Variants in TMPRSS7 observed in about 807,000 individuals in gnomAD.
The protein encoded by TMPRSS7 is transmembrane protease serine 7.
TMPRSS7 carries 81 observed loss-of-function variants against 95.6 expected under a neutral mutation model. The ratio of observed to expected loss-of-function variants is 0.85; its 90% confidence interval spans 0.71 to 1.02. The LOEUF is 1.02. TMPRSS7 is among the 50% of genes least tolerant of loss of function. The pLI is 0.00. For missense variants in TMPRSS7, 945 were observed against 955.2 expected, an observed-to-expected ratio of 0.99 and a Z score of 0.14; for synonymous variants, 364 against 337.8, an observed-to-expected ratio of 1.08 and a Z score of -0.85.
intron 2 of TMPRSS7, among the ~76,000 whole-genome samples, chr3:112,038,690 C>T (rs1391364139): frequency 6.6e-6 from 1 of 152,170 alleles, no homozygotes; most frequent in Non-Finnish European, 1.5e-5. Flanking sequence ...CTATGATGCC[C>T]AGGCTGGTCC....
chr3:112,066,166 G>A (rs561728696), intron 12 of TMPRSS7, among the ~76,000 whole-genome samples: 43 of 152,254 alleles, frequency 2.8e-4, no homozygotes, highest in African/African-American at 9.1e-4. Context: ...AGAGTTTAAC[G>A]CATTTATACA....
chr3:112,047,277 G>T (rs9811691), intron 6 of TMPRSS7: 90,640 of 604,568 alleles, frequency 0.15, 8,438 homozygotes, highest in Non-Finnish European at 0.19. Flanking sequence ...CTTCTATGGA[G>T]CCTTCTTTAT....
intron 7 of TMPRSS7, 62 bp from the exon 8 acceptor site, chr3:112,049,782 T>C (rs1240733470): frequency 3.6e-6 from 5 of 1,374,132 alleles, no homozygotes; most frequent in Non-Finnish European, 4.9e-6. Flanking sequence ...TCGTTTTGAA[T>C]GGAGACCCAT....
At chr3:112,056,917 G>A (rs1164669842) in intron 9 of TMPRSS7, 108 bp from the exon 10 acceptor site, 6 of 688,588 alleles carry the variant, frequency 8.7e-6, no homozygotes, top group Non-Finnish European at 1.5e-5. Context: ...ACCCCACTAA[G>A]GGCCACAGGG....
chr3:112,056,570 C>T (rs1224490892), intron 9 of TMPRSS7, among the ~76,000 whole-genome samples: 1 of 152,150 alleles, frequency 6.6e-6, no homozygotes, highest in Non-Finnish European at 1.5e-5. Context: ...CCAAGAAGAT[C>T]TAGGGGTGAC....
exon 6 of TMPRSS7, chr3:112,046,996 G>A (rs757170456): frequency 7.1e-6 from 5 of 702,442 alleles, no homozygotes; most frequent in Non-Finnish European, 2.6e-6. Flanking sequence ...CGGATTACTC[G>A]TCAACCATAG....
intron 5 of TMPRSS7, among the ~76,000 whole-genome samples, chr3:112,046,162 C>T (rs140179618): frequency 4.6e-5 from 7 of 152,260 alleles, no homozygotes; most frequent in East Asian, 1.9e-4. Flanking sequence ...AATATACATA[C>T]GAAATTGAAT....
rs187064121 is a variant in TMPRSS7, at chr3:112,069,824, T to C, written c.1666+3322T>C. On this transcript the variant is annotated intron_variant, in intron 13 of 17. Transcript: ENST00000452346. ...TTGAAGGGTTTTTTGTGTCTCTATC[T>C]CTTTCAGTTCTGCTCTGATCTTAGT... 2.4e-3 allele frequency among the ~76,000 whole-genome samples: 372 copies of C among 152,312 alleles called. 2 individuals are homozygous for C. Among genetic ancestry groups the C allele is most frequent in the Non-Finnish European group, 4.2e-3 (286 of 68,020 alleles).
chr3:112,047,770 G>A (rs773495968), exon 7 of TMPRSS7: 5 of 1,613,886 alleles, frequency 3.1e-6, no homozygotes, highest in African/African-American at 1.3e-5. Flanking sequence ...TCTATGCAGA[G>A]CATCTGTCTC....
In TMPRSS7 at chr3:112,057,005, C is replaced by T. The variant is rs1305005846; in HGVS notation, c.1204-20C>T. On this transcript the variant is annotated intron_variant, in intron 9 of 17. Coordinates refer to ENST00000452346, the Ensembl canonical transcript of TMPRSS7. The stretch of plus-strand genomic sequence containing the variant: ...CTTTGATTGAAGCATTTTTTTCTGA[C>T]TTAATGTTTATTTTCACAGACTTCT... 5 of 1,531,736 alleles carry T rather than the reference C, an allele frequency of 3.3e-6. No individual in the cohort carries two copies. The Admixed American group carries it at 9.0e-5, about 28-fold the overall frequency. 94.9% of individuals were successfully genotyped at this position (1,531,736 alleles called of 1,614,324 possible).
intron 4 of TMPRSS7, among the ~76,000 whole-genome samples, chr3:112,045,272 C>G (rs545331739): frequency 7.9e-5 from 12 of 152,278 alleles, no homozygotes; most frequent in African/African-American, 2.6e-4. Flanking sequence ...CTCAGCCTCC[C>G]AAGTAGCTGT....
At position 112,045,748 on chromosome 3, in the gene TMPRSS7, A is replaced by T; in HGVS notation, c.498-2A>T. The T allele has an allele frequency of 6.5e-7, 1 of 1,542,296 alleles. No individual in the cohort carries two copies. Among genetic ancestry groups the T allele is most frequent in the African/African-American group, 1.4e-5 (1 of 72,390 alleles). ...CTGATGATCTCTCTTTTTTCGTTATAGCAGCAACAACAAAGGCGGCCTCCT... is the reference window on the plus strand; with the variant it reads ...CTGATGATCTCTCTTTTTTCGTTATTGCAGCAACAACAAAGGCGGCCTCCT... On this transcript the variant is annotated splice_acceptor_variant, in intron 4 of 17. Transcript: ENST00000452346. LOFTEE classifies it high-confidence loss of function.
chr3:112,041,630 G>T (rs912105481), intron 2 of TMPRSS7, among the ~76,000 whole-genome samples: 1 of 152,096 alleles, frequency 6.6e-6, no homozygotes, highest in African/African-American at 2.4e-5. Flanking sequence ...ATAAAGCAGG[G>T]TATATATGGG....
exon 15 of TMPRSS7, chr3:112,075,490 C>T: frequency 6.8e-7 from 1 of 1,460,280 alleles, no homozygotes; most frequent in Non-Finnish European, 9.1e-7. Flanking sequence ...TTCATGGAAA[C>T]AGGTAGGGCC....
intron 10 of TMPRSS7, among the ~76,000 whole-genome samples, chr3:112,057,686 A>G (rs1179269728): frequency 6.6e-6 from 1 of 152,168 alleles, no homozygotes; most frequent in Non-Finnish European, 1.5e-5. Context: ...AACAGATTAC[A>G]TAGGCACTGA....
chr3:112,066,256 A>C, intron 12 of TMPRSS7, 136 bp from the exon 13 acceptor site: 1 of 637,740 alleles, frequency 1.6e-6, no homozygotes. Context: ...TGGAAGTGTC[A>C]GTTTTGAGGA....
chr3:112,039,467 A>G (rs2073183696), intron 2 of TMPRSS7, among the ~76,000 whole-genome samples: 1 of 152,192 alleles, frequency 6.6e-6, no homozygotes, highest in Non-Finnish European at 1.5e-5. Flanking sequence ...TGGTGGCTGA[A>G]AGCCCCTAGG....
intron 15 of TMPRSS7, among the ~76,000 whole-genome samples, chr3:112,075,764 G>C (rs2073704671): frequency 6.6e-6 from 1 of 152,178 alleles, no homozygotes; most frequent in African/African-American, 2.4e-5. Flanking sequence ...AAACTTAAGA[G>C]AATGTGTGGA....
At chr3:112,081,234 C>G, downstream of TMPRSS7, 1 of 429,684 alleles carries the variant, frequency 2.3e-6, no homozygotes, top group Non-Finnish European at 3.9e-6. Flanking sequence ...AGGTCAAGAC[C>G]ATCCTGGCTA....
Sources: allele counts gnomAD v4.1 joint callset (sites outside exome capture counted in the v4.1 genomes callset), GRCh38; gene constraint gnomAD v4.1.1; transcripts MANE v1.5; gene names NCBI Gene and HGNC (gene_info 2026-07-23, HGNC 2026-07-21).